The following MPPED2 variants were observed in gnomAD, a reference collection of about 807,000 sequenced individuals.
MPPED2 encodes the protein metallophosphoesterase domain containing 2, also known as metallophosphoesterase MPPED2.
A neutral mutation model predicts 33.0 loss-of-function variants in MPPED2; 5 were observed. That is an observed-to-expected ratio of 0.15 (90% CI 0.08 to 0.32). MPPED2 has a LOEUF of 0.32. MPPED2 is among the 10% of genes least tolerant of loss of function. The pLI, the probability that MPPED2 is intolerant of heterozygous loss-of-function variation, is 1.00. For missense variants in MPPED2, 275 were observed against 372.1 expected (o/e 0.74, Z 2.15); for synonymous variants, 136 against 141.9 (o/e 0.96, Z 0.29).
intron 3 of MPPED2, among the ~76,000 whole-genome samples, chr11:30,532,550 C>T (rs1954587041): frequency 6.6e-6 from 1 of 152,130 alleles, no homozygotes; most frequent in Non-Finnish European, 1.5e-5. Context: ...GTTCTAAGAA[C>T]AGTATGAGCT....
At chr11:30,555,142 C>T (rs933984347) in intron 2 of MPPED2, among the ~76,000 whole-genome samples, 1 of 152,104 alleles carries the variant, frequency 6.6e-6, no homozygotes, top group Non-Finnish European at 1.5e-5. Context: ...CTCATGGAAA[C>T]TATTTTAGTC....
At chr11:30,538,314 G>A (rs1160146480) in intron 2 of MPPED2, among the ~76,000 whole-genome samples, 1 of 152,042 alleles carries the variant, frequency 6.6e-6, no homozygotes, top group Admixed American at 6.6e-5. Context: ...AAATCCTTTG[G>A]GAGGTCATCT....
intron 2 of MPPED2, among the ~76,000 whole-genome samples, chr11:30,560,486 C>A (rs1020132410): frequency 1.3e-5 from 2 of 152,112 alleles, no homozygotes; most frequent in African/African-American, 4.8e-5. Flanking sequence ...AGTCTTAAAA[C>A]TCCCATTTAC....
At chr11:30,540,053 G>A (rs1955015541) in intron 2 of MPPED2, among the ~76,000 whole-genome samples, 1 of 152,164 alleles carries the variant, frequency 6.6e-6, no homozygotes. Context: ...CTCTGAGAAA[G>A]CTGAGCATGG....
At chr11:30,452,971 G>A (rs1477562248) in intron 4 of MPPED2, among the ~76,000 whole-genome samples, 1 of 152,116 alleles carries the variant, frequency 6.6e-6, no homozygotes, top group African/African-American at 2.4e-5. Context: ...AGCACATACT[G>A]CACCTTGCCC....
At chr11:30,397,188 G>T (rs1001061254) in intron 6 of MPPED2, among the ~76,000 whole-genome samples, 1 of 152,120 alleles carries the variant, frequency 6.6e-6, no homozygotes, top group African/African-American at 2.4e-5. Context: ...CCTTAAAAGA[G>T]AAATTTCTAA....
At position 30,496,281 on chromosome 11, in the gene MPPED2, A is replaced by G. The variant is rs76314649; in HGVS notation, c.311-760T>C. ...ATGAAAGCTATAAAGGAAAACCCAA[A>G]CACCAGACTTCTGCATAGATTTATA... On this transcript the variant is annotated intron_variant, in intron 3 of 6. Transcript: ENST00000358117. Among the ~76,000 whole-genome samples the G allele has an allele frequency of 1.6e-3, 246 of 152,332 alleles. 4 individuals carry two copies. The East Asian group carries it at 0.038, about 23-fold the overall frequency.
intron 4 of MPPED2, among the ~76,000 whole-genome samples, chr11:30,436,050 C>CTTTTTTTTTT (rs71060449): frequency 1.8e-5 from 2 of 108,464 alleles, no homozygotes; most frequent in African/African-American, 3.5e-5. Flanking sequence ...AGTTTAGCAT[C>CTTTTTTTTTT]TTTTTTTTTT....
At chr11:30,440,237 G>A (rs1264352828) in intron 4 of MPPED2, among the ~76,000 whole-genome samples, 1 of 152,086 alleles carries the variant, frequency 6.6e-6, no homozygotes, top group African/African-American at 2.4e-5. Flanking sequence ...GGCTCGGGCA[G>A]GAGAATTGCT....
rs1185295540 is a variant in MPPED2 at position 30,560,464 on chromosome 11, A to G, written c.128+19782T>C. On this transcript the variant is annotated intron_variant, in intron 2 of 6. Coordinates refer to ENST00000358117, the MANE Select transcript of MPPED2 (RefSeq NM_001584.3). ...AAAGTGATTAGCAATCACTTGCTACACGGCATGAGATAGTCTTAAAACTCC... is the reference window on the plus strand; with the variant it reads ...AAAGTGATTAGCAATCACTTGCTACGCGGCATGAGATAGTCTTAAAACTCC... Among the ~76,000 whole-genome samples the G allele has an allele frequency of 5.9e-5, 9 of 152,282 alleles. 1 individual carries two copies. The South Asian group carries it at 1.9e-3, about 32-fold the overall frequency.
intron 4 of MPPED2, among the ~76,000 whole-genome samples, chr11:30,460,462 A>T (rs192521980): frequency 1.8e-4 from 27 of 151,904 alleles, no homozygotes; most frequent in Admixed American, 5.2e-4. Flanking sequence ...TCTCTACAAA[A>T]TTTTTTTAAA....
intron 3 of MPPED2, among the ~76,000 whole-genome samples, chr11:30,507,103 C>A (rs1952868321): frequency 6.6e-6 from 1 of 152,200 alleles, no homozygotes; most frequent in African/African-American, 2.4e-5. Context: ...AAAGCATCTT[C>A]TTTAAATGCA....
In MPPED2 at chr11:30,453,986, T is replaced by C. The variant is rs143545681; in HGVS notation, c.537-36353A>G. Among the ~76,000 whole-genome samples, 173 of 152,294 alleles carry C rather than the reference T, an allele frequency of 1.1e-3. 1 individual carries two copies. The highest frequency in any genetic ancestry group is 3.9e-3 in the African/African-American group (164 of 41,576). On this transcript the variant is annotated intron_variant, in intron 4 of 6. Coordinates refer to ENST00000358117, the MANE Select transcript of MPPED2 (RefSeq NM_001584.3). ...AAGGAGTTCTGGGGAGTGTCGTCTC[T>C]TTCCCAAAGAAGTCATCTCTGATCT...
downstream of MPPED2, chr11:30,410,041 G>A: frequency 4.5e-6 from 4 of 897,080 alleles, no homozygotes; most frequent in Non-Finnish European, 2.7e-6. Context: ...TACACTGAGT[G>A]CCTTATCGAT....
chr11:30,398,602 GCTT>G (rs1195759663), intron 6 of MPPED2, among the ~76,000 whole-genome samples: 1 of 152,064 alleles, frequency 6.6e-6, no homozygotes, highest in Non-Finnish European at 1.5e-5. Context: ...CCCTCTCTGG[GCTT>G]CTTGTTTCTT....
chr11:30,512,607 G>A (rs566761206), intron 3 of MPPED2, among the ~76,000 whole-genome samples: 8 of 152,234 alleles, frequency 5.3e-5, no homozygotes, highest in South Asian at 2.1e-4. Flanking sequence ...CCCCAGAACC[G>A]GGATTGTACA....
chr11:30,451,078 T>C (rs1195779377), intron 4 of MPPED2, among the ~76,000 whole-genome samples: 1 of 152,210 alleles, frequency 6.6e-6, no homozygotes, highest in Non-Finnish European at 1.5e-5. Flanking sequence ...GGCTTCTTCA[T>C]GCTAGCGTCA....
chr11:30,494,757 A>AAAAAAAAAAAAAAAAAAG (rs768924251), intron 4 of MPPED2, among the ~76,000 whole-genome samples: 14 of 120,880 alleles, frequency 1.2e-4, no homozygotes, highest in African/African-American at 3.4e-4. Context: ...AAAAAAAAAA[A>AAAAAAAAAAAAAAAAAAG]AAAGAAAGAA....
chr11:30,458,911 G>GTTTTTTTTTT (rs1340798234), intron 4 of MPPED2, among the ~76,000 whole-genome samples: 1 of 86,324 alleles, frequency 1.2e-5, no homozygotes, highest in Non-Finnish European at 2.5e-5. Flanking sequence ...ATTTTGCACA[G>GTTTTTTTTTT]TTCTTTTTTT....
Sources: gnomAD v4.1 joint callset for allele counts (sites outside exome capture counted in the v4.1 genomes callset) on GRCh38, gnomAD v4.1.1 for gene constraint, MANE v1.5 for transcripts, NCBI Gene and HGNC (gene_info 2026-07-23, HGNC 2026-07-21) for gene names.